The following LEPROT variants were observed in gnomAD, a reference collection of about 807,000 sequenced individuals.
The protein encoded by LEPROT is leptin receptor overlapping transcript, also known as leptin receptor gene-related protein.
A neutral mutation model predicts 15.4 loss-of-function variants in LEPROT; 3 were observed. The observed-to-expected ratio is 0.19, with a 90% CI of 0.09 to 0.50. The LOEUF is 0.50. LEPROT is among the 20% of genes least tolerant of loss of function. LEPROT has a pLI of 0.97. For missense variants in LEPROT, 137 were observed against 162.2 expected, an observed-to-expected ratio of 0.84 and a Z score of 0.84; for synonymous variants, 59 against 57.5, an observed-to-expected ratio of 1.03 and a Z score of -0.12.
In LEPROT at chr1:65,434,343, A is replaced by G. The variant is rs1298096076; in HGVS notation, c.*2424A>G. ...GCTCTTTTTTTATATATTGTACAAT[A>G]TATTTGGAGATTCAGAGCATAGTGA... On this transcript the variant is annotated 3_prime_UTR_variant, in exon 4 of 4. Coordinates refer to ENST00000371065, the MANE Select transcript of LEPROT (RefSeq NM_017526.5). 2 of 985,094 alleles carry G rather than the reference A, an allele frequency of 2.0e-6. No homozygotes were observed. The highest frequency in any genetic ancestry group is 6.2e-5 in the Admixed American group (1 of 16,256). 61.0% of individuals were successfully genotyped at this position (985,094 alleles called of 1,614,324 possible). A position where few individuals can be genotyped will look rare whatever the true frequency, so the allele number is the denominator to read the frequency against.
intron 2 of LEPROT, among the ~76,000 whole-genome samples, chr1:65,426,657 A>G (rs554618992): frequency 6.6e-6 from 1 of 152,198 alleles, no homozygotes; most frequent in South Asian, 2.1e-4. Context: ...AAGGAGGGAG[A>G]GTTCTTAGAT....
chr1:65,423,021 C>T (rs1025483286), intron 1 of LEPROT, among the ~76,000 whole-genome samples: 11 of 152,160 alleles, frequency 7.2e-5, no homozygotes, highest in Non-Finnish European at 1.3e-4. Flanking sequence ...TCACCTTGAC[C>T]TACTGATTCA....
chr1:65,434,101 G>A lies in LEPROT; in HGVS notation c.*2182G>A, dbSNP rs1161843746. ...ATGTAGCCTTAAAGCATTACCTCTT[G>A]ATTGTATCTTTAGATTGATATAAAG... is the stretch of plus-strand genomic sequence containing the variant. On this transcript the variant is annotated 3_prime_UTR_variant, in exon 4 of 4. Coordinates refer to ENST00000371065, the MANE Select transcript of LEPROT (RefSeq NM_017526.5). The A allele has an allele frequency of 1.0e-6, 1 of 984,616 alleles. No homozygotes were observed. The highest frequency in any genetic ancestry group is 6.1e-5 in the Admixed American group (1 of 16,266). 61.0% of individuals were successfully genotyped at this position (984,616 alleles called of 1,614,324 possible).
At position 65,428,490 on chromosome 1, in the gene LEPROT, A is replaced by G. The variant is rs183058209; in HGVS notation, c.93-1372A>G. On this transcript the variant is annotated intron_variant, in intron 2 of 3. Transcript: ENST00000371065. ...TGTTTGGTGATTCTTGAAACATACT[A>G]TCATCCCTCTAGTTTAAAATCAGGG... is the stretch of plus-strand genomic sequence containing the variant. Among the ~76,000 whole-genome samples, 49 of 152,340 alleles carry G rather than the reference A, an allele frequency of 3.2e-4. No individual in the cohort carries two copies. The East Asian group carries it at 8.5e-3, about 26-fold the overall frequency.
At chr1:65,423,766 T>A (rs1240430865) in intron 1 of LEPROT, among the ~76,000 whole-genome samples, 1 of 152,210 alleles carries the variant, frequency 6.6e-6, no homozygotes, top group Non-Finnish European at 1.5e-5. Flanking sequence ...TCAAAAATGT[T>A]CATTGGCTTA....
chr1:65,435,600 C>G lies in LEPROT; in HGVS notation c.*3681C>G. 4.3e-6 allele frequency: 3 copies of G among 691,324 alleles called. No individual in the cohort carries two copies. Among genetic ancestry groups the G allele is most frequent in the Non-Finnish European group, 5.3e-6 (3 of 561,486 alleles). 42.8% of individuals were successfully genotyped at this position (691,324 alleles called of 1,614,324 possible). ...GCCAGGATGGTCTCGATCTCCTGAC[C>G]TCATGATCCGCCCGCCTCTGCCTCC... On this transcript the variant is annotated 3_prime_UTR_variant, in exon 4 of 4. Coordinates refer to ENST00000371065, the MANE Select transcript of LEPROT (RefSeq NM_017526.5).
chr1:65,430,944 T>C (rs1189394227), intron 3 of LEPROT, among the ~76,000 whole-genome samples: 6 of 152,170 alleles, frequency 3.9e-5, no homozygotes, highest in African/African-American at 1.4e-4. Context: ...GGCTGTTGTA[T>C]GGAATGACAT....
intron 3 of LEPROT, chr1:65,430,263 G>A (rs1490078247): frequency 2.3e-5 from 9 of 388,302 alleles, no homozygotes; most frequent in South Asian, 1.1e-4. Flanking sequence ...TTAGCCAGAC[G>A]ATATGATTTC....
At chr1:65,425,188 T>A (rs1418426011) in intron 1 of LEPROT, 115 bp from the exon 2 acceptor site, 2 of 789,614 alleles carry the variant, frequency 2.5e-6, no homozygotes, top group Non-Finnish European at 4.2e-6. Context: ...GAAAATTTAC[T>A]CATCCGCCAA....
intron 3 of LEPROT, 130 bp from the exon 4 acceptor site, chr1:65,431,673 A>T: frequency 2.3e-6 from 2 of 867,224 alleles, no homozygotes; most frequent in Non-Finnish European, 3.5e-6. Context: ...GTCTCCTGTT[A>T]CATTATTAAG....
intron 2 of LEPROT, 67 bp downstream of exon 2, chr1:65,425,445 A>AGG: frequency 7.2e-7 from 1 of 1,390,838 alleles, no homozygotes; most frequent in Admixed American, 2.4e-5. Context: ...TATGGGTGTT[A>AGG]GAGAGTTCGG....
chr1:65,435,525 G>A lies in LEPROT; in HGVS notation c.*3606G>A, dbSNP rs6658922. ...TGGGACTACAGGCTCCCGCCACCAC[G>A]CCTGGCTAATTTTTTTGTATTTTTA... is the stretch of plus-strand genomic sequence containing the variant. On this transcript the variant is annotated 3_prime_UTR_variant, in exon 4 of 4. Transcript: ENST00000371065. 134,736 of 382,108 alleles carry A rather than the reference G, an allele frequency of 0.35. 26,833 individuals carry two copies. Among genetic ancestry groups the A allele is most frequent in the Non-Finnish European group, 0.4 (112,798 of 278,872 alleles). 23.7% of individuals were successfully genotyped at this position (382,108 alleles called of 1,614,324 possible). A position where few individuals can be genotyped will look rare whatever the true frequency, so the allele number is the denominator to read the frequency against.
At chr1:65,430,338 A>C (rs921754275) in intron 3 of LEPROT, 3 of 240,004 alleles carry the variant, frequency 1.2e-5, no homozygotes, top group African/African-American at 6.7e-5. Flanking sequence ...TAAATCTTAC[A>C]GTAATCCACA....
At chr1:65,427,034 C>T (rs947214504) in intron 2 of LEPROT, among the ~76,000 whole-genome samples, 3 of 151,856 alleles carry the variant, frequency 2.0e-5, no homozygotes, top group African/African-American at 7.3e-5. Flanking sequence ...GTGGTTAAGA[C>T]CTATTGAAGT....
intron 3 of LEPROT, 163 bp downstream of exon 3, chr1:65,430,211 G>A (rs925209971): frequency 1.8e-5 from 9 of 508,036 alleles, no homozygotes; most frequent in Non-Finnish European, 2.6e-5. Context: ...ACAGTAGTTC[G>A]GCCATGCCTT....
chr1:65,420,758 G>C lies in LEPROT; in HGVS notation c.16+18G>C. On this transcript the variant is annotated intron_variant, in intron 1 of 3. Transcript: ENST00000371065. ...CGTTAAAGGTACATCGCGGTCCCCG[G>C]CTCGCTTGTCGTGTGGTGGGGTTGC... 6.3e-7 allele frequency: 1 copy of C among 1,577,510 alleles called. No individual in the cohort carries two copies.
chr1:65,430,148 A>C, intron 3 of LEPROT, 100 bp downstream of exon 3: 1 of 1,045,316 alleles, frequency 9.6e-7, no homozygotes, highest in South Asian at 2.7e-5. Context: ...TAGGCTTTAT[A>C]CTCAAGGCCG....
intron 1 of LEPROT, among the ~76,000 whole-genome samples, chr1:65,424,325 G>T (rs562499161): frequency 6.6e-6 from 1 of 152,208 alleles, no homozygotes; most frequent in East Asian, 1.9e-4. Context: ...ATGATCAAAG[G>T]TATATATTAC....
chr1:65,429,772 A>G (rs1235865938), intron 2 of LEPROT, 90 bp from the exon 3 acceptor site: 1 of 1,131,028 alleles, frequency 8.8e-7, no homozygotes, highest in Non-Finnish European at 1.2e-6. Context: ...AACATTTAAA[A>G]TAGCAATGAT....
Sources: allele counts gnomAD v4.1 joint callset (sites outside exome capture counted in the v4.1 genomes callset), GRCh38; gene constraint gnomAD v4.1.1; transcripts MANE v1.5; gene names NCBI Gene and HGNC (gene_info 2026-07-23, HGNC 2026-07-21).